The following ABR variants were observed in gnomAD, a reference collection of about 807,000 sequenced individuals.
The protein encoded by ABR is ABR activator of RhoGEF and GTPase.
A neutral mutation model predicts 107.2 loss-of-function variants in ABR; 35 were observed. The observed-to-expected ratio is 0.33, with a 90% CI of 0.25 to 0.43. The LOEUF (loss-of-function observed/expected upper bound fraction) is 0.43. Ranked by LOEUF, ABR falls within the 20% of genes least tolerant of loss-of-function variation. ABR has a pLI of 1.00. For missense variants in ABR, 815 were observed against 1,115.2 expected, an observed-to-expected ratio of 0.73 and a Z score of 3.83; for synonymous variants, 498 against 462.0, an observed-to-expected ratio of 1.08 and a Z score of -1.00.
intron 10 of ABR, 147 bp from the exon 11 acceptor site, chr17:1,059,014 G>T: frequency 3.3e-6 from 4 of 1,210,142 alleles, no homozygotes; most frequent in South Asian, 1.5e-5. Flanking sequence ...CAGGAGAGGC[G>T]GGTAGCTGGG....
At chr17:1,115,095 G>T (rs2038923265) in intron 2 of ABR, among the ~76,000 whole-genome samples, 1 of 152,144 alleles carries the variant, frequency 6.6e-6, no homozygotes, top group African/African-American at 2.4e-5. Flanking sequence ...AAGGGAAGGG[G>T]GGCCCCATAG....
At chr17:1,188,650 G>C (rs2042367311), upstream of ABR, among the ~76,000 whole-genome samples, 3 of 152,186 alleles carry the variant, frequency 2.0e-5, no homozygotes, top group Non-Finnish European at 4.4e-5. Context: ...TTGCCCTACA[G>C]AACATCTGTT....
At position 1,070,163 on chromosome 17, in the gene ABR, C is replaced by A; in HGVS notation, c.895-73G>T. ...CGAGGGCAGAGCCTGCACACGGGGGCACGGCCAGCCAGGGAGGACTGGACC... is the reference window on the plus strand; with the variant it reads ...CGAGGGCAGAGCCTGCACACGGGGGAACGGCCAGCCAGGGAGGACTGGACC... On this transcript the variant is annotated intron_variant, in intron 8 of 22. Transcript: ENST00000302538. The surrounding 1 kb of genome is among the most constrained non-coding windows in gnomAD (Gnocchi z 4.2). 1 of 1,586,148 alleles carries A rather than the reference C, an allele frequency of 6.3e-7. No individual in the cohort carries two copies. The highest frequency in any genetic ancestry group is 1.1e-5 in the South Asian group (1 of 87,696).
In ABR at chr17:1,010,907, C is replaced by A. The variant is rs184498063; in HGVS notation, c.2102-44G>T. On this transcript the variant is annotated intron_variant, in intron 19 of 22. Coordinates refer to ENST00000302538, the MANE Select transcript of ABR (RefSeq NM_021962.5). This position sits in a 1 kb window ranked among gnomAD's most constrained non-coding sequence, Gnocchi z 4.1. Reference sequence around the variant, plus strand: ...GGTCAGGCAGCCTTAGCTGGGCCAGCAGCCCCGTTCCACCCCCGACCCATC... The same window carrying A: ...GGTCAGGCAGCCTTAGCTGGGCCAGAAGCCCCGTTCCACCCCCGACCCATC... The A allele has an allele frequency of 2.0e-4, 329 of 1,608,190 alleles. 2 individuals carry two copies. In the East Asian group the frequency reaches 6.6e-3, roughly 32 times the overall value.
chr17:1,080,570 G>GTGCCCAGGTGATGAGGCCAAGGTCAGC (rs1214959262), intron 5 of ABR, among the ~76,000 whole-genome samples: 2 of 151,660 alleles, frequency 1.3e-5, no homozygotes, highest in African/African-American at 4.8e-5. Context: ...CCAGGGTCAG[G>GTGCCCAGGTGATGAGGCCAAGGTCAGC]TGCCCAGGTG....
At chr17:1,110,288 C>T (rs971521619) in intron 2 of ABR, among the ~76,000 whole-genome samples, 18 of 151,934 alleles carry the variant, frequency 1.2e-4, no homozygotes, top group Non-Finnish European at 7.4e-5. Flanking sequence ...CCAGAGGAGG[C>T]CCTGGGAAAA....
intron 1 of ABR, among the ~76,000 whole-genome samples, chr17:1,146,853 CTGCCACCA>C (rs2040570414): frequency 1.5e-5 from 1 of 65,696 alleles, no homozygotes; most frequent in Admixed American, 1.4e-4. Flanking sequence ...CAGGCCACCA[CTGCCACCA>C]CTGCCACCAT....
At chr17:1,103,016 C>CT (rs751507736) in intron 2 of ABR, among the ~76,000 whole-genome samples, 3 of 152,086 alleles carry the variant, frequency 2.0e-5, no homozygotes, top group Non-Finnish European at 4.4e-5. Context: ...GGCCGAGATC[C>CT]TTTTTAGATT....
chr17:1,019,136 C>G (rs928105863), intron 16 of ABR, among the ~76,000 whole-genome samples: 1 of 152,224 alleles, frequency 6.6e-6, no homozygotes, highest in Non-Finnish European at 1.5e-5. Flanking sequence ...CCTCCCGCTG[C>G]CTCGTGCCCA....
intron 1 of ABR, among the ~76,000 whole-genome samples, chr17:1,178,551 C>A (rs907462858): frequency 7.2e-6 from 1 of 139,208 alleles, no homozygotes; most frequent in Non-Finnish European, 1.6e-5. Flanking sequence ...GCGACAGAGC[C>A]GAGACTCCGT....
In ABR at chr17:1,051,752, C is replaced by T. The variant is rs1200056004; in HGVS notation, c.1562-1118G>A. Among the ~76,000 whole-genome samples the T allele has an allele frequency of 6.6e-6, 1 of 152,198 alleles. No individual in the cohort carries two copies. Among genetic ancestry groups the T allele is most frequent in the East Asian group, 1.9e-4 (1 of 5,190 alleles). On this transcript the variant is annotated intron_variant, in intron 14 of 22. Transcript: ENST00000302538. The surrounding 1 kb of genome is among the most constrained non-coding windows in gnomAD (Gnocchi z 4.3). ...GGCTTACTCCACTTAGCCCCTGCAG[C>T]TGCCCAGCTGGGCCATTCTCCATCA... is the stretch of plus-strand genomic sequence containing the variant.
chr17:1,079,210 C>G (rs1041079290), intron 6 of ABR, 120 bp downstream of exon 6: 1 of 1,493,850 alleles, frequency 6.7e-7, no homozygotes, highest in Non-Finnish European at 9.0e-7. Flanking sequence ...CACACGCTCA[C>G]GCTCACACGC....
intron 1 of ABR, among the ~76,000 whole-genome samples, chr17:1,126,860 G>A (rs1381817238): frequency 6.6e-6 from 1 of 152,224 alleles, no homozygotes; most frequent in East Asian, 1.9e-4. Flanking sequence ...AGGCTCTCGG[G>A]GAAAGTGCGT....
intron 1 of ABR, among the ~76,000 whole-genome samples, chr17:1,225,338 ACTGGG>A (rs960988722): frequency 2.0e-5 from 3 of 151,946 alleles, no homozygotes; most frequent in African/African-American, 7.2e-5. Flanking sequence ...ATCCAGAATG[ACTGGG>A]GAGTGGGAAG....
At chr17:1,205,976 C>A (rs796416093) in intron 1 of ABR, among the ~76,000 whole-genome samples, 5 of 148,452 alleles carry the variant, frequency 3.4e-5, no homozygotes, top group African/African-American at 1.2e-4. Context: ...ATTAGCTGGG[C>A]GTGGTGGCGC....
chr17:1,194,784 G>A lies in ABR; in HGVS notation c.838+34009C>T, dbSNP rs1355741197. ...TCCTCCTGCCTCAGCCCCCCTAGTA[G>A]CTGGGATTACAGGCATGTGCCACCA... On this transcript the variant is annotated intron_variant, in intron 1 of 22. Transcript: ENST00000574139. Among the ~76,000 whole-genome samples, 4 of 123,448 alleles carry A rather than the reference G, an allele frequency of 3.2e-5. 2 individuals carry two copies. The highest frequency in any genetic ancestry group is 6.9e-5 in the Non-Finnish European group (4 of 58,300). 81.0% of individuals were successfully genotyped at this position (123,448 alleles called of 152,430 possible).
At chr17:1,067,994 G>A (rs1030566349) in intron 9 of ABR, among the ~76,000 whole-genome samples, 8 of 152,056 alleles carry the variant, frequency 5.3e-5, no homozygotes, top group Admixed American at 1.3e-4. Flanking sequence ...GTGCAATGGC[G>A]CGATCTCCAC....
At position 1,027,701 on chromosome 17, in the gene ABR, G is replaced by A. The variant is rs921275704; in HGVS notation, c.1792-14537C>T. Among the ~76,000 whole-genome samples the A allele has an allele frequency of 1.4e-4, 21 of 152,208 alleles. No individual in the cohort carries two copies. The highest frequency in any genetic ancestry group is 5.1e-4 in the African/African-American group (21 of 41,518). ...GGTGTAGGGGCCTCCAGCTCTCGGG[G>A]GAGGCAGCACTGTAGTCCCCTGTCT... On this transcript the variant is annotated intron_variant, in intron 16 of 22. Transcript: ENST00000302538. The surrounding 1 kb of genome is among the most constrained non-coding windows in gnomAD (Gnocchi z 4.7).
intron 22 of ABR, 107 bp from the exon 23 acceptor site, chr17:1,006,276 C>G (rs1386453751): frequency 9.7e-7 from 1 of 1,034,150 alleles, no homozygotes; most frequent in Non-Finnish European, 1.5e-6. Context: ...CTCCGGCCAC[C>G]GCCCCTTCCT....
Sources: gnomAD v4.1 joint callset for allele counts (sites outside exome capture counted in the v4.1 genomes callset) on GRCh38, gnomAD v4.1.1 for gene constraint, Gnocchi (gnomAD v3.1) non-coding constraint, MANE v1.5 for transcripts, NCBI Gene and HGNC (gene_info 2026-07-23, HGNC 2026-07-21) for gene names.